Variants in ZNF638 observed in about 807,000 individuals in gnomAD.
The protein encoded by ZNF638 is CTCL tumor antigen se33-1.
In ZNF638, 46 loss-of-function variants were observed where a neutral mutation model predicts 195.6. The ratio of observed to expected loss-of-function variants is 0.24; its 90% CI spans 0.19 to 0.30. ZNF638 has a LOEUF of 0.30. ZNF638 is among the 10% of genes least tolerant of loss of function. The probability of loss-of-function intolerance (pLI) is 1.00; values close to 1 mark genes in which losing one functional copy is unlikely to be tolerated. For missense variants in ZNF638, 2,440 were observed against 2,325.3 expected (o/e 1.05, Z -1.01); for synonymous variants, 845 against 772.0 (o/e 1.09, Z -1.57).
intron 10 of ZNF638, among the ~76,000 whole-genome samples, chr2:71,389,880 G>A (rs1423650987): frequency 6.6e-6 from 1 of 152,180 alleles, no homozygotes; most frequent in Non-Finnish European, 1.5e-5. Context: ...AGCAATGCAG[G>A]CAGTCAGAGG....
In ZNF638 at chr2:71,349,776, C is replaced by G; in HGVS notation, c.822C>G (p.Phe274Leu). ...AAGACGTATTTCGCCAAATGGACTT[C>G]CCCGGTGAGTCCTCCAATAATCGGT... The part of the protein sequence containing the change: ...PVEDVFRQMD[F>L]PGESSNNRSF... Residue 274 changes from phenylalanine (F) to leucine (L), a missense_variant, in exon 2 of 28, where the codon TTC becomes TTG. By Grantham distance (22) the Phe-to-Leu change is conservative. This residue lies in a region of ZNF638 where 305 missense variants were observed against 283.6 expected (regional missense o/e 1.08). Coordinates refer to ENST00000264447, the MANE Select transcript of ZNF638 (RefSeq NM_014497.5). 2.5e-6 allele frequency: 4 copies of G among 1,614,170 alleles called. No homozygotes were observed. Among genetic ancestry groups the G allele is most frequent in the Non-Finnish European group, 1.7e-6 (2 of 1,180,034 alleles).
At chr2:71,341,902 C>T (rs1254619366) in intron 1 of ZNF638, 2 of 152,114 alleles carry the variant, frequency 1.3e-5, no homozygotes, top group East Asian at 3.9e-4. Flanking sequence ...CAGGTTACAT[C>T]ATTATCTTAA....
At chr2:71,401,896 AC>A in intron 15 of ZNF638, 59 bp from the exon 16 acceptor site, 1 of 1,440,148 alleles carries the variant, frequency 6.9e-7, no homozygotes, top group African/African-American at 1.4e-5. Context: ...CACAGTATAA[AC>A]TTAAGTAAAT....
rs1251890000 is a variant in ZNF638 at position 71,400,412 on chromosome 2, A to G, written c.2657-66A>G. The G allele has an allele frequency of 2.7e-6, 4 of 1,474,114 alleles. No homozygotes were observed. The African/African-American group carries it at 4.3e-5, about 16-fold the overall frequency. 91.3% of individuals were successfully genotyped at this position (1,474,114 alleles called of 1,614,324 possible). On this transcript the variant is annotated intron_variant, in intron 14 of 27. Coordinates refer to ENST00000264447, the MANE Select transcript of ZNF638 (RefSeq NM_014497.5). ...TTTTCATGTAGCTACTGTTTAACCT[A>G]TTGTGGAATAAAGTAGGATCTTGAT...
At chr2:71,401,785 C>T (rs932396944) in intron 15 of ZNF638, among the ~76,000 whole-genome samples, 171 bp from the exon 16 acceptor site, 4 of 151,958 alleles carry the variant, frequency 2.6e-5, no homozygotes, top group African/African-American at 9.7e-5. Context: ...AATTTGCAAG[C>T]TTTTTTGCTT....
At chr2:71,354,861 C>T (rs2078998456) in intron 2 of ZNF638, among the ~76,000 whole-genome samples, 1 of 151,886 alleles carries the variant, frequency 6.6e-6, no homozygotes, top group Admixed American at 6.6e-5. Context: ...TAGATTTGAT[C>T]AGTAGCATTT....
At chr2:71,374,214 T>C (rs2079375201) in intron 8 of ZNF638, among the ~76,000 whole-genome samples, 2 of 152,248 alleles carry the variant, frequency 1.3e-5, no homozygotes, top group African/African-American at 2.4e-5. Context: ...CAGCATAATA[T>C]AGGATTGGAA....
rs116318521 is a variant in ZNF638 at position 71,389,422 on chromosome 2, G to A, written c.2378-6719G>A. On this transcript the variant is annotated intron_variant, in intron 10 of 27. Coordinates refer to ENST00000264447, the MANE Select transcript of ZNF638 (RefSeq NM_014497.5). ...GAAAGGATTAATTGAAGCCATAGCA[G>A]ACAACTTCTGTTTGGCCCCATGGGA... Among the ~76,000 whole-genome samples the A allele has an allele frequency of 5.1e-3, 773 of 152,296 alleles. 4 individuals carry two copies. Among genetic ancestry groups the A allele is most frequent in the African/African-American group, 0.018 (744 of 41,544 alleles).
At position 71,427,321 on chromosome 2, in the gene ZNF638, A is replaced by G. The variant is rs771782995; in HGVS notation, c.5452A>G (p.Lys1818Glu). The G allele has an allele frequency of 5.5e-5, 89 of 1,610,592 alleles. No individual in the cohort carries two copies. The highest frequency in any genetic ancestry group is 7.4e-5 in the Non-Finnish European group (87 of 1,179,344). The change falls in exon 24 of 28, where the codon AAG becomes GAG. Residue 1818 changes from lysine to glutamate, a missense_variant. By Grantham distance (56) the Lys-to-Glu change is moderately conservative (BLOSUM62 1). This residue lies in a region of ZNF638 where 1,883 missense variants were observed against 1,739.1 expected (regional missense o/e 1.08). Transcript: ENST00000264447. ...NRKKRAVDTK[K>E]TKLESLSQVG... ...AAAGAAGAGAGCTGTGGACACAAAA[A>G]AGACAAAACTTGAATCCTTGTCCCA...
chr2:71,400,318 A>G (rs963533205), intron 14 of ZNF638, 138 bp downstream of exon 14: 7 of 1,051,274 alleles, frequency 6.7e-6, no homozygotes, highest in African/African-American at 1.6e-5. Flanking sequence ...ATTTAAATGT[A>G]TTTTTTAAAA....
chr2:71,333,299 T>C (rs2078605769), intron 1 of ZNF638, among the ~76,000 whole-genome samples: 2 of 152,230 alleles, frequency 1.3e-5, no homozygotes, highest in African/African-American at 2.4e-5. Flanking sequence ...TAAAATATGC[T>C]GGGCCATTCC....
intron 24 of ZNF638, among the ~76,000 whole-genome samples, 196 bp downstream of exon 24, chr2:71,427,610 A>T (rs1484932367): frequency 6.6e-6 from 1 of 152,240 alleles, no homozygotes. Context: ...TTTACAGCAG[A>T]ACTTGCTCCA....
At chr2:71,354,624 C>T (rs962968056) in intron 2 of ZNF638, among the ~76,000 whole-genome samples, 2 of 151,752 alleles carry the variant, frequency 1.3e-5, no homozygotes, top group South Asian at 4.2e-4. Flanking sequence ...TTAATTCCAG[C>T]TACTAGGGAG....
At position 71,364,015 on chromosome 2, in the gene ZNF638, A is replaced by G. The variant is rs763821722; in HGVS notation, c.1480A>G (p.Arg494Gly). The change falls in exon 5 of 28, where the codon AGG (arginine) becomes GGG (glycine). Residue 494 changes from arginine to glycine, a missense_variant. Arg to Gly is a moderately radical substitution (Grantham distance 125, BLOSUM62 -2). Around this residue, in one of 5 missense-constraint regions of ZNF638, gnomAD observed 1,883 missense variants for 1,739.1 expected, o/e 1.08. Coordinates refer to ENST00000264447, the MANE Select transcript of ZNF638 (RefSeq NM_014497.5). ...PRRRSHSPSP[R>G]RSRRSSSSHR... ...AAGACGTTCTCATTCCCCCAGTCCTAGGCGTTCTAGAAGATCAAGCTCAAG... is the reference window on the plus strand; with the variant it reads ...AAGACGTTCTCATTCCCCCAGTCCTGGGCGTTCTAGAAGATCAAGCTCAAG... 5 of 1,614,082 alleles carry G rather than the reference A, an allele frequency of 3.1e-6. No homozygotes were observed. The African/African-American group carries it at 4.0e-5, about 13-fold the overall frequency.
At chr2:71,374,045 C>G (rs999352855) in intron 8 of ZNF638, 1 of 152,198 alleles carries the variant, frequency 6.6e-6, no homozygotes, top group African/African-American at 2.4e-5. Flanking sequence ...AAGGTGATCT[C>G]ACACTCCTGG....
chr2:71,364,226 T>C lies in ZNF638; in HGVS notation c.1691T>C (p.Met564Thr), dbSNP rs1183445570. The change falls in exon 5 of 28, where the codon ATG (methionine) becomes ACG (threonine). Residue 564 changes from methionine (M) to threonine (T), a missense_variant. Around this residue, in one of 5 missense-constraint regions of ZNF638, gnomAD observed 1,883 missense variants for 1,739.1 expected, o/e 1.08. Coordinates refer to ENST00000264447, the MANE Select transcript of ZNF638 (RefSeq NM_014497.5). Reference protein sequence around the residue: ...KCFRSVSPERMSRRSVRSSDR... With the variant: ...KCFRSVSPERTSRRSVRSSDR... ...TTTCGATCAGTTAGCCCTGAGAGGA[T>C]GTCAAGGAGATCAGTGAGATCATCA... is the stretch of plus-strand genomic sequence containing the variant. 1 of 1,613,952 alleles carries C rather than the reference T, an allele frequency of 6.2e-7. No individual in the cohort carries two copies. The highest frequency in any genetic ancestry group is 8.5e-7 in the Non-Finnish European group (1 of 1,179,944).
chr2:71,407,153 A>G (rs540409931), intron 19 of ZNF638: 3 of 152,212 alleles, frequency 2.0e-5, no homozygotes, highest in African/African-American at 7.2e-5. Flanking sequence ...TTACCTAGAA[A>G]GGCAGGGTTT....
rs149932567 is a variant in ZNF638 at position 71,349,099 on chromosome 2, C to A, written c.145C>A (p.Arg49Ser). The A allele has an allele frequency of 4.3e-6, 7 of 1,613,974 alleles. No individual in the cohort carries two copies. In the South Asian group the frequency reaches 5.5e-5, roughly 13 times the overall value. Residue 49 changes from arginine to serine, a missense_variant, in exon 2 of 28, where the codon CGT becomes AGT. Arg to Ser is a moderately radical substitution (Grantham distance 110). Coordinates refer to ENST00000264447, the MANE Select transcript of ZNF638 (RefSeq NM_014497.5). ...AAGATTTTACCCAGCAGGGAGAGCA[C>A]GTGGAATTCCACACAGATTTGCTGG... ...LPRFYPAGRA[R>S]GIPHRFAGHE...
intron 20 of ZNF638, 118 bp from the exon 21 acceptor site, chr2:71,418,484 G>A (rs1404416997): frequency 1.5e-6 from 1 of 661,366 alleles, no homozygotes; most frequent in African/African-American, 2.0e-5. Flanking sequence ...TAGCTGCTTT[G>A]ATACATTTTT....
Sources: gnomAD v4.1 joint callset for allele counts (sites outside exome capture counted in the v4.1 genomes callset) on GRCh38, gnomAD v4.1.1 for gene constraint, gnomAD v4.1.1 regional missense constraint, MANE v1.5 for transcripts, NCBI Gene and HGNC (gene_info 2026-07-23, HGNC 2026-07-21) for gene names.